PCDHA5: variants seen among roughly 807,000 people sequenced by gnomAD.
PCDHA5 encodes the protein protocadherin alpha-5.
Under a neutral mutation model 61.6 loss-of-function variants are expected in PCDHA5, and 43 were observed. The observed-to-expected ratio is 0.70, with a 90% CI of 0.55 to 0.90. PCDHA5 has a LOEUF of 0.90. PCDHA5 is among the 40% of genes least tolerant of loss of function. The pLI, the probability that PCDHA5 is intolerant of heterozygous loss-of-function variation, is 0.00. For synonymous variants in PCDHA5, 627 were observed against 543.9 expected, an observed-to-expected ratio of 1.15 and a Z score of -2.13; for missense variants, 1,298 against 1,222.7, an observed-to-expected ratio of 1.06 and a Z score of -0.92.
intron 1 of PCDHA5, chr5:140,863,731 A>G (rs1249998987): frequency 1.2e-5 from 3 of 259,294 alleles, no homozygotes; most frequent in Non-Finnish European, 2.3e-5. Context: ...GCGGTAGCTC[A>G]TGCCTATTTG....
At chr5:140,829,703 C>T (rs1770501919) in intron 1 of PCDHA5, 1 of 1,613,284 alleles carries the variant, frequency 6.2e-7, no homozygotes, top group Non-Finnish European at 8.5e-7. Flanking sequence ...GGTGAGCGCG[C>T]GCGACGCGGG....
chr5:140,823,259 A>T lies in PCDHA5; in HGVS notation c.1484A>T (p.Glu495Val). The change falls in exon 1 of 4, where the codon GAG (glutamate) becomes GTG (valine). Residue 495 changes from glutamate (E) to valine (V), a missense_variant. Physicochemically the swap from Glu to Val is moderately radical, Grantham distance 121. Transcript: ENST00000529859. ...ENALVSYSLV[E>V]RRVGERPLSS... ...GCCCTGGTGTCCTACTCGCTGGTGG[A>T]GCGGCGGGTGGGCGAGCGCCCGCTG... 6.2e-6 allele frequency: 10 copies of T among 1,613,038 alleles called. No homozygotes were observed. The highest frequency in any genetic ancestry group is 8.5e-6 in the Non-Finnish European group (10 of 1,179,766).
chr5:140,830,054 G>C, intron 1 of PCDHA5: 1 of 1,613,740 alleles, frequency 6.2e-7, no homozygotes, highest in Non-Finnish European at 8.5e-7. Flanking sequence ...GAAAGACCAC[G>C]GTGAGCCGGC....
intron 1 of PCDHA5, among the ~76,000 whole-genome samples, chr5:140,975,318 C>T (rs1554236746): frequency 6.6e-6 from 1 of 152,198 alleles, no homozygotes; most frequent in Admixed American, 6.5e-5. Flanking sequence ...TTATGTCAGT[C>T]CCATCCAGAT....
intron 1 of PCDHA5, among the ~76,000 whole-genome samples, chr5:140,890,662 C>G (rs75284753): frequency 3.3e-5 from 5 of 152,136 alleles, no homozygotes; most frequent in South Asian, 2.1e-4. Flanking sequence ...CAAAAGTTAA[C>G]TGAAACCCTT....
rs557419543 is a variant in PCDHA5, at chr5:140,854,019, G to A, written c.2352+29892G>A. On this transcript the variant is annotated intron_variant, in intron 1 of 3. Transcript: ENST00000529859. ...CTCTGCCAAAAAAAAAAAATTAGCCGGGCATGGTGGCACACATCTCTAGTC... is the reference window on the plus strand; with the variant it reads ...CTCTGCCAAAAAAAAAAAATTAGCCAGGCATGGTGGCACACATCTCTAGTC... 8.1e-5 allele frequency: 27 copies of A among 335,108 alleles called. No homozygotes were observed. In the South Asian group the frequency reaches 3.3e-3, roughly 41 times the overall value. 20.8% of individuals were successfully genotyped at this position (335,108 alleles called of 1,614,324 possible). A position where few individuals can be genotyped will look rare whatever the true frequency, so the allele number is the denominator to read the frequency against.
chr5:140,877,689 G>A (rs1554169989), intron 1 of PCDHA5: 2 of 1,613,914 alleles, frequency 1.2e-6, no homozygotes, highest in Non-Finnish European at 8.5e-7. Flanking sequence ...AGCCCACGCT[G>A]GTGTGCTCCA....
chr5:140,835,821 G>A lies in PCDHA5; in HGVS notation c.2352+11694G>A, dbSNP rs2150245813. ...CTGCCACATCTTCACTGTGTCGGCG[G>A]GGGACGCGGACGCGCAGAAGAACGC... is the stretch of plus-strand genomic sequence containing the variant. On this transcript the variant is annotated intron_variant, in intron 1 of 3. Transcript: ENST00000529859. The A allele has an allele frequency of 1.9e-6, 3 of 1,612,596 alleles. No homozygotes were observed. In the African/African-American group the frequency reaches 4.0e-5, roughly 22 times the overall value.
At chr5:140,851,638 T>G in intron 1 of PCDHA5, 1 of 915,858 alleles carries the variant, frequency 1.1e-6, no homozygotes, top group Non-Finnish European at 1.3e-6. Context: ...AAGTGTTTCC[T>G]TTCTTCAAGA....
At chr5:140,887,238 C>T (rs1191260946) in intron 1 of PCDHA5, among the ~76,000 whole-genome samples, 11 of 151,856 alleles carry the variant, frequency 7.2e-5, no homozygotes, top group East Asian at 3.9e-4. Flanking sequence ...CTGAGACTAC[C>T]GGCGCCCGCC....
At chr5:140,974,098 T>C (rs1316262429) in intron 1 of PCDHA5, among the ~76,000 whole-genome samples, 1 of 152,262 alleles carries the variant, frequency 6.6e-6, no homozygotes, top group Non-Finnish European at 1.5e-5. Flanking sequence ...AATCAAAGGT[T>C]AAAAGTATTC....
intron 1 of PCDHA5, among the ~76,000 whole-genome samples, chr5:140,976,370 G>A (rs1392898202): frequency 6.6e-6 from 1 of 152,018 alleles, no homozygotes; most frequent in Non-Finnish European, 1.5e-5. Context: ...GGCCAACATG[G>A]TGAAACCCCA....
At chr5:140,903,942 A>G (rs1279645269) in intron 1 of PCDHA5, among the ~76,000 whole-genome samples, 5 of 152,212 alleles carry the variant, frequency 3.3e-5, no homozygotes, top group African/African-American at 1.2e-4. Flanking sequence ...TACCTCTTAA[A>G]TACTGGAAAA....
intron 1 of PCDHA5, among the ~76,000 whole-genome samples, chr5:140,890,854 T>G (rs1320462436): frequency 6.6e-6 from 1 of 152,232 alleles, no homozygotes; most frequent in Non-Finnish European, 1.5e-5. Context: ...TTTCTCTTCC[T>G]TACTTCTTGC....
intron 1 of PCDHA5, chr5:140,830,239 G>T (rs1770921442): frequency 1.2e-6 from 2 of 1,613,826 alleles, no homozygotes; most frequent in South Asian, 1.1e-5. Context: ...TCACGCTACT[G>T]CTGTACACAG....
chr5:140,839,928 G>A (rs1237791336), intron 1 of PCDHA5, among the ~76,000 whole-genome samples: 1 of 152,036 alleles, frequency 6.6e-6, no homozygotes, highest in Non-Finnish European at 1.5e-5. Context: ...CTTGAACAAA[G>A]AGTGTGCCAA....
Position 140,828,948 on chromosome 5 carries a change from C to T in PCDHA5, c.2352+4821C>T, listed in dbSNP as rs2150161275. The T allele has an allele frequency of 2.9e-4, 471 of 1,614,172 alleles. 5 individuals carry two copies. The South Asian group carries it at 4.8e-3, about 17-fold the overall frequency. Reference sequence around the variant, plus strand: ...TCATATTCTTTTAATAGCCTTGTTGCAGCCATGGTTATTGACCACTTTAGC... The same window carrying T: ...TCATATTCTTTTAATAGCCTTGTTGTAGCCATGGTTATTGACCACTTTAGC... On this transcript the variant is annotated intron_variant, in intron 1 of 3. Coordinates refer to ENST00000529859, the MANE Select transcript of PCDHA5 (RefSeq NM_018908.3).
At chr5:140,899,693 A>G (rs1269311819) in intron 1 of PCDHA5, among the ~76,000 whole-genome samples, 1 of 152,240 alleles carries the variant, frequency 6.6e-6, no homozygotes, top group East Asian at 1.9e-4. Flanking sequence ...TGCTGGCCTC[A>G]TAAAATGAGT....
intron 1 of PCDHA5, among the ~76,000 whole-genome samples, chr5:140,900,094 G>A (rs546671178): frequency 3.6e-4 from 55 of 152,150 alleles, no homozygotes; most frequent in East Asian, 2.3e-3. Context: ...ACAAGCATGC[G>A]CCACCATACC....
Sources: allele counts gnomAD v4.1 joint callset (sites outside exome capture counted in the v4.1 genomes callset), GRCh38; gene constraint gnomAD v4.1.1; transcripts MANE v1.5; gene names NCBI Gene and HGNC (gene_info 2026-07-23, HGNC 2026-07-21).